The following RUFY1 variants were observed in gnomAD, a reference collection of about 807,000 sequenced individuals.
RUFY1 encodes the protein RUN and FYVE domain-containing protein 1.
RUFY1 carries 54 observed loss-of-function variants against 94.6 expected under a neutral mutation model. The ratio of observed to expected loss-of-function variants is 0.57; its 90% CI spans 0.46 to 0.72. The LOEUF is 0.72. RUFY1 is among the 30% of genes least tolerant of loss of function. The pLI, the probability that RUFY1 is intolerant of heterozygous loss-of-function variation, is 0.00. For missense variants in RUFY1, 883 were observed against 883.9 expected (o/e 1.00, Z 0.01); for synonymous variants, 396 against 347.3 (o/e 1.14, Z -1.56).
intron 14 of RUFY1, among the ~76,000 whole-genome samples, chr5:179,600,464 ACCCCCTTCATCAT>A (rs1562099099): frequency 6.6e-6 from 1 of 152,010 alleles, no homozygotes; most frequent in African/African-American, 2.4e-5. Context: ...GTCCCAGGTC[ACCCCCTTCATCAT>A]CCTTGACCAG....
chr5:179,556,280 A>G (rs941107160), intron 1 of RUFY1, among the ~76,000 whole-genome samples: 2 of 152,102 alleles, frequency 1.3e-5, no homozygotes, highest in African/African-American at 4.8e-5. Context: ...TTAATGTAAT[A>G]GATTTGTATG....
Position 179,569,325 on chromosome 5 carries a change from T to C in RUFY1, c.728T>C (p.Leu243Ser). The C allele has an allele frequency of 6.2e-7, 1 of 1,613,826 alleles. No homozygotes were observed. Among genetic ancestry groups the C allele is most frequent in the Non-Finnish European group, 8.5e-7 (1 of 1,180,002 alleles). ...AGCGAGTTCTATGAGCCTGAGGCTT[T>C]AATGATGGAGGAAGAAGGGATGGTG... ...LLSEFYEPEA[L>S]MMEEEGMVIV... is the part of the protein sequence containing the mutation. The change falls in exon 5 of 18, where the codon TTA becomes TCA. Residue 243 changes from leucine to serine, a missense_variant. By Grantham distance (145) the Leu-to-Ser change is moderately radical. Transcript: ENST00000319449.
intron 6 of RUFY1, among the ~76,000 whole-genome samples, chr5:179,579,791 G>A (rs1018418246): frequency 3.3e-5 from 5 of 149,754 alleles, no homozygotes; most frequent in African/African-American, 1.2e-4. Flanking sequence ...GCCTCCCTGA[G>A]TCGCTGGGAC....
intron 7 of RUFY1, among the ~76,000 whole-genome samples, chr5:179,584,415 C>G (rs953977148): frequency 2.0e-5 from 3 of 152,124 alleles, no homozygotes; most frequent in African/African-American, 7.2e-5. Flanking sequence ...GCTGCCTTGT[C>G]TGTAAAATGG....
Position 179,550,624 on chromosome 5 carries a change from G to A in RUFY1, c.55G>A (p.Glu19Lys). ...AAGRGRELEP[E>K]LEPGPGPGSA... is the part of the protein sequence containing the mutation. ...TGGGCGGGGGCGGGAGCTGGAGCCGGAGCTGGAGCCGGGGCCGGGGCCCGG... is the reference window on the plus strand; with the variant it reads ...TGGGCGGGGGCGGGAGCTGGAGCCGAAGCTGGAGCCGGGGCCGGGGCCCGG... Residue 19 changes from glutamate (E) to lysine (K), a missense_variant, in exon 1 of 18, where the codon GAG (glutamate) becomes AAG (lysine). Physicochemically the swap from Glu to Lys is moderately conservative, Grantham distance 56. Transcript: ENST00000319449. 7.4e-7 allele frequency: 1 copy of A among 1,356,280 alleles called. No homozygotes were observed. Among genetic ancestry groups the A allele is most frequent in the African/African-American group, 2.3e-5 (1 of 42,938 alleles). The allele number at this position is 1,356,280 out of a possible 1,614,324, so 84.0% of individuals were successfully genotyped here. A position where few individuals can be genotyped will look rare whatever the true frequency, so the allele number is the denominator to read the frequency against.
In RUFY1 at chr5:179,560,363, A is replaced by G. The variant is rs575644474; in HGVS notation, c.484+165A>G. On this transcript the variant is annotated intron_variant, in intron 2 of 17. Coordinates refer to ENST00000319449, the MANE Select transcript of RUFY1 (RefSeq NM_025158.5). ...CGACGTCCTAGAGCAGCGCTGGCCA[A>G]TAGAAATAGCATGCAAGCTATATAG... 3.9e-5 allele frequency among the ~76,000 whole-genome samples: 6 copies of G among 152,328 alleles called. No individual in the cohort carries two copies. In the East Asian group the frequency reaches 9.6e-4, roughly 24 times the overall value.
At chr5:179,588,401 G>C (rs1174783363) in intron 8 of RUFY1, among the ~76,000 whole-genome samples, 1 of 152,148 alleles carries the variant, frequency 6.6e-6, no homozygotes, top group East Asian at 1.9e-4. Flanking sequence ...GGAGGGATGG[G>C]TTGGTGTGTT....
chr5:179,589,644 A>C lies in RUFY1; in HGVS notation c.1125A>C (p.Val375=). The C allele has an allele frequency of 6.2e-7, 1 of 1,607,644 alleles. No individual in the cohort carries two copies. The highest frequency in any genetic ancestry group is 8.5e-7 in the Non-Finnish European group (1 of 1,174,104). ...ELIRERSEKS[V]EITKQDTKVE... The stretch of plus-strand genomic sequence containing the variant: ...TTCGAGAAAGAAGTGAAAAGAGTGT[A>C]GAGGTGAGAAATTGACCTACATTTG... Residue 375 remains valine, a synonymous_variant, in exon 9 of 18, where the codon GTA becomes GTC. Transcript: ENST00000319449.
chr5:179,587,383 T>TTTC (rs367594937), intron 8 of RUFY1, among the ~76,000 whole-genome samples: 69,245 of 75,526 alleles, frequency 0.92, 31,691 homozygotes, highest in South Asian at 0.97. Flanking sequence ...TCTTTCTTTC[T>TTTC]TTTTTTTTTT....
At chr5:179,595,748 C>G (rs1021610925) in intron 12 of RUFY1, among the ~76,000 whole-genome samples, 4 of 151,992 alleles carry the variant, frequency 2.6e-5, no homozygotes, top group Non-Finnish European at 1.5e-5. Context: ...TGGGGTTTCT[C>G]CATATTGATC....
chr5:179,596,212 G>C, intron 12 of RUFY1: 1 of 343,970 alleles, frequency 2.9e-6, no homozygotes, highest in Non-Finnish European at 5.5e-6. Context: ...CAAAAGGCAT[G>C]AACCATTGAT....
At chr5:179,566,075 A>G (rs977196399) in intron 3 of RUFY1, among the ~76,000 whole-genome samples, 1 of 151,766 alleles carries the variant, frequency 6.6e-6, no homozygotes, top group Non-Finnish European at 1.5e-5. Flanking sequence ...TGGGAGTTCC[A>G]GGCTGCAGGG....
At position 179,577,159 on chromosome 5, in the gene RUFY1, C is replaced by CTTTTTT. The variant is rs748319712; in HGVS notation, c.890+48_890+53dup. ...GGAGTAAGTACTGCGTTGTATGTCA[C>CTTTTTT]TTTTTTTTTTTTTTTTTTTTTTTTT... On this transcript the variant is annotated intron_variant, in intron 6 of 17. Transcript: ENST00000319449. 5.6e-3 allele frequency: 1,044 copies of CTTTTTT among 186,684 alleles called. 108 individuals are homozygous for CTTTTTT. The highest frequency in any genetic ancestry group is 9.7e-3 in the African/African-American group (126 of 12,972). The allele number at this position is 186,684 out of a possible 1,614,324, so 11.6% of individuals were successfully genotyped here.
intron 5 of RUFY1, among the ~76,000 whole-genome samples, chr5:179,570,110 C>T (rs1036752612): frequency 2.0e-5 from 3 of 151,842 alleles, no homozygotes; most frequent in Admixed American, 6.6e-5. Flanking sequence ...AATCTCCTGA[C>T]CTCGTGATCC....
At chr5:179,602,068 T>G in intron 15 of RUFY1, 82 bp downstream of exon 15, 1 of 1,176,748 alleles carries the variant, frequency 8.5e-7, no homozygotes, top group Non-Finnish European at 1.3e-6. Context: ...ACCTACCTCC[T>G]TTTGGCGAAC....
At chr5:179,597,328 C>T (rs1765763342) in intron 13 of RUFY1, among the ~76,000 whole-genome samples, 1 of 152,076 alleles carries the variant, frequency 6.6e-6, no homozygotes, top group Non-Finnish European at 1.5e-5. Context: ...CTCTGCCTCC[C>T]GGGTTCACGC....
At chr5:179,557,083 A>T (rs1762148853) in intron 1 of RUFY1, among the ~76,000 whole-genome samples, 1 of 152,168 alleles carries the variant, frequency 6.6e-6, no homozygotes, top group Admixed American at 6.6e-5. Flanking sequence ...TAATCATATT[A>T]AGAAAATTTC....
At chr5:179,587,484 C>A (rs549587681) in intron 8 of RUFY1, among the ~76,000 whole-genome samples, 2 of 149,930 alleles carry the variant, frequency 1.3e-5, no homozygotes, top group Non-Finnish European at 3.0e-5. Context: ...CTCCACCTCC[C>A]GGGTTCACGC....
At chr5:179,589,179 C>T (rs755554345) in intron 8 of RUFY1, among the ~76,000 whole-genome samples, 3 of 151,912 alleles carry the variant, frequency 2.0e-5, no homozygotes, top group Admixed American at 1.3e-4. Context: ...TTATTGAGTA[C>T]ATGTTTGTTT....
Sources: gnomAD v4.1 joint callset for allele counts (sites outside exome capture counted in the v4.1 genomes callset) on GRCh38, gnomAD v4.1.1 for gene constraint, MANE v1.5 for transcripts, NCBI Gene and HGNC (gene_info 2026-07-23, HGNC 2026-07-21) for gene names.